Variants in SEPTIN7 observed in about 807,000 individuals in gnomAD.
SEPTIN7 encodes the protein septin 7.
In SEPTIN7, 10 loss-of-function variants were observed where a neutral mutation model predicts 63.3. The observed-to-expected ratio is 0.16, with a 90% CI of 0.10 to 0.27. The LOEUF (loss-of-function observed/expected upper bound fraction) is 0.27. Ranked by LOEUF, SEPTIN7 falls within the 10% of genes least tolerant of loss-of-function variation. The pLI is 1.00. For missense variants in SEPTIN7, 310 were observed against 521.0 expected (o/e 0.59, Z 3.94); for synonymous variants, 131 against 165.3 (o/e 0.79, Z 1.59).
At chr7:35,804,103 A>G (rs551374472) in intron 1 of SEPTIN7, among the ~76,000 whole-genome samples, 3 of 152,262 alleles carry the variant, frequency 2.0e-5, no homozygotes, top group African/African-American at 7.2e-5. Context: ...AGGAAGGAAG[A>G]CTTTAAAATT....
intron 7 of SEPTIN7, 35 bp downstream of exon 7, chr7:35,879,975 C>A: frequency 6.6e-6 from 8 of 1,220,614 alleles, no homozygotes; most frequent in East Asian, 2.5e-5. Context: ...TTTCTTATAC[C>A]GTTCTCATAA....
chr7:35,837,952 A>G (rs568954842), intron 3 of SEPTIN7, among the ~76,000 whole-genome samples: 59 of 151,986 alleles, frequency 3.9e-4, no homozygotes, highest in African/African-American at 1.2e-3. Flanking sequence ...TTGAACACCT[A>G]TATTGACCTC....
At chr7:35,843,157 A>G (rs1399105624) in intron 3 of SEPTIN7, among the ~76,000 whole-genome samples, 1 of 152,136 alleles carries the variant, frequency 6.6e-6, no homozygotes, top group East Asian at 1.9e-4. Flanking sequence ...TCTCTGAAAA[A>G]TATTAGGGAA....
At chr7:35,902,197 A>AT (rs2116392369) in intron 12 of SEPTIN7, 1 of 151,692 alleles carries the variant, frequency 6.6e-6, no homozygotes, top group South Asian at 2.1e-4. Flanking sequence ...ATTTAATCTG[A>AT]TTTTTAAAAT....
At chr7:35,848,170 A>C (rs1165137600) in intron 3 of SEPTIN7, among the ~76,000 whole-genome samples, 1 of 152,180 alleles carries the variant, frequency 6.6e-6, no homozygotes, top group Non-Finnish European at 1.5e-5. Context: ...TTTTCTTCCA[A>C]ATTAAAACTC....
At chr7:35,909,438 T>C (rs1472184815), downstream of SEPTIN7, among the ~76,000 whole-genome samples, 3 of 152,236 alleles carry the variant, frequency 2.0e-5, no homozygotes, top group African/African-American at 7.2e-5. Flanking sequence ...TCAGGTATGA[T>C]TGGCCTGATT....
In SEPTIN7 at chr7:35,905,293, G is replaced by A. The variant is rs577718209; in HGVS notation, c.*1000G>A. On this transcript the variant is annotated 3_prime_UTR_variant, in exon 14 of 14. Transcript: ENST00000350320. ...ATTGTAAAAAATTCACATAATAAACGATGTTGTGATGTAATATTGTGTGAG... is the reference window on the plus strand; with the variant it reads ...ATTGTAAAAAATTCACATAATAAACAATGTTGTGATGTAATATTGTGTGAG... 6 of 152,642 alleles carry A rather than the reference G, an allele frequency of 3.9e-5. No individual in the cohort carries two copies. The highest frequency in any genetic ancestry group is 2.1e-4 in the South Asian group (1 of 4,816). 9.5% of individuals were successfully genotyped at this position (152,642 alleles called of 1,614,324 possible). A position where few individuals can be genotyped will look rare whatever the true frequency, so the allele number is the denominator to read the frequency against.
At chr7:35,873,460 T>C (rs1193987851) in intron 5 of SEPTIN7, among the ~76,000 whole-genome samples, 181 bp from the exon 6 acceptor site, 1 of 152,098 alleles carries the variant, frequency 6.6e-6, no homozygotes, top group Non-Finnish European at 1.5e-5. Context: ...ATTTGGAAAG[T>C]TTTGAATAAT....
intron 11 of SEPTIN7, among the ~76,000 whole-genome samples, chr7:35,897,736 T>C (rs938531505): frequency 3.9e-5 from 6 of 152,184 alleles, no homozygotes; most frequent in African/African-American, 7.2e-5. Context: ...GCCTAAATAG[T>C]GCTCTAGGTA....
At chr7:35,828,346 T>C (rs1041842134) in intron 1 of SEPTIN7, among the ~76,000 whole-genome samples, 20 of 152,214 alleles carry the variant, frequency 1.3e-4, no homozygotes, top group African/African-American at 4.6e-4. Context: ...CTGACTGATC[T>C]TTCTCTGCTC....
rs771365854 is a variant in SEPTIN7, at chr7:35,898,424, T to G, written c.1134+41T>G. 138 of 1,349,056 alleles carry G rather than the reference T, an allele frequency of 1.0e-4. 2 individuals carry two copies. The South Asian group carries it at 1.9e-3, about 18-fold the overall frequency. 83.6% of individuals were successfully genotyped at this position (1,349,056 alleles called of 1,614,324 possible). ...TCCCATCTCTTAGCAGACATTGTGT[T>G]CCTTTTTAAGTAGTATCTTCAGTAA... On this transcript the variant is annotated intron_variant, in intron 12 of 13. Coordinates refer to ENST00000350320, the MANE Select transcript of SEPTIN7 (RefSeq NM_001788.6).
chr7:35,888,086 G>A (rs939187059), intron 10 of SEPTIN7, among the ~76,000 whole-genome samples: 3 of 152,162 alleles, frequency 2.0e-5, no homozygotes, highest in African/African-American at 7.2e-5. Context: ...TATTTTCAGG[G>A]TGTGGATATG....
At chr7:35,817,718 AT>A (rs1789165002) in intron 1 of SEPTIN7, among the ~76,000 whole-genome samples, 1 of 152,018 alleles carries the variant, frequency 6.6e-6, no homozygotes, top group Non-Finnish European at 1.5e-5. Context: ...TGTGAACAAC[AT>A]TTTTATAGTT....
chr7:35,832,236 A>C (rs532914677), intron 2 of SEPTIN7: 2 of 368,776 alleles, frequency 5.4e-6, no homozygotes, highest in Admixed American at 7.2e-5. Context: ...TGGACCTGGC[A>C]TAACAGCTTG....
rs1788552726 is a variant in SEPTIN7, at chr7:35,905,217, A to G, written c.*924A>G. On this transcript the variant is annotated 3_prime_UTR_variant, in exon 14 of 14. Coordinates refer to ENST00000350320, the MANE Select transcript of SEPTIN7 (RefSeq NM_001788.6). The stretch of plus-strand genomic sequence containing the variant: ...GCCTCTTGAAGAGAAAAAAGTCACC[A>G]TTCTGCATTTAGCTGTATTCATATA... The G allele has an allele frequency of 1.3e-5, 2 of 152,618 alleles. No homozygotes were observed. Among genetic ancestry groups the G allele is most frequent in the Admixed American group, 1.3e-4 (2 of 15,280 alleles). 9.5% of individuals were successfully genotyped at this position (152,618 alleles called of 1,614,324 possible). A position where few individuals can be genotyped will look rare whatever the true frequency, so the allele number is the denominator to read the frequency against.
chr7:35,801,394 C>T (rs1412936681), intron 1 of SEPTIN7, 124 bp downstream of exon 1: 1 of 1,248,590 alleles, frequency 8.0e-7, no homozygotes, highest in South Asian at 1.6e-5. Context: ...CGAGGGGAGC[C>T]GGGATGGGGG....
chr7:35,879,767 G>C, intron 6 of SEPTIN7, 56 bp from the exon 7 acceptor site: 1 of 942,082 alleles, frequency 1.1e-6, no homozygotes, highest in South Asian at 1.4e-5. Context: ...GGGATGTGAA[G>C]AATCTTGTTC....
rs1483952249 is a variant in SEPTIN7, at chr7:35,906,871, A to T, written c.*2578A>T. 1 of 152,194 alleles carries T rather than the reference A, an allele frequency of 6.6e-6. No homozygotes were observed. The highest frequency in any genetic ancestry group is 2.4e-5 in the African/African-American group (1 of 41,436). The allele number at this position is 152,194 out of a possible 1,614,324, so 9.4% of individuals were successfully genotyped here. On this transcript the variant is annotated 3_prime_UTR_variant, in exon 14 of 14. Coordinates refer to ENST00000350320, the MANE Select transcript of SEPTIN7 (RefSeq NM_001788.6). ...AGTCAGGATATGGTAGGTAAGGGGG[A>T]AAAAGGAAAGACGGCTTGATAGCTA...
chr7:35,898,143 A>G (rs1583649910), intron 11 of SEPTIN7, 105 bp from the exon 12 acceptor site: 5 of 721,656 alleles, frequency 6.9e-6, no homozygotes, highest in East Asian at 5.6e-5. Flanking sequence ...AAATATATTA[A>G]TAGTGACATA....
Sources: allele counts gnomAD v4.1 joint callset (sites outside exome capture counted in the v4.1 genomes callset), GRCh38; gene constraint gnomAD v4.1.1; transcripts MANE v1.5; gene names NCBI Gene and HGNC (gene_info 2026-07-23, HGNC 2026-07-21).